The following ESR1 variants were observed in gnomAD, a reference collection of about 807,000 sequenced individuals.
ESR1 encodes estrogen receptor 1.
Under a neutral mutation model 52.7 loss-of-function variants are expected in ESR1, and 12 were observed. The observed-to-expected ratio is 0.23, with a 90% CI of 0.15 to 0.37. ESR1 has a LOEUF of 0.37. Ranked by LOEUF, ESR1 falls within the 10% of genes least tolerant of loss-of-function variation. The pLI is 1.00. For synonymous variants in ESR1, 305 were observed against 316.8 expected, an observed-to-expected ratio of 0.96 and a Z score of 0.39; for missense variants, 584 against 779.7, an observed-to-expected ratio of 0.75 and a Z score of 2.99.
rs149592990 is a variant in ESR1, at chr6:151,938,770, T to C, written c.761-5403T>C. ...TGATTGTTACTAAGTAGAAATTTTA[T>C]ACTGAGCCTTTCTAAATCCTTACAA... On this transcript the variant is annotated intron_variant, in intron 3 of 7. Coordinates refer to ENST00000206249, the MANE Select transcript of ESR1 (RefSeq NM_000125.4). Among the ~76,000 whole-genome samples the C allele has an allele frequency of 2.5e-3, 379 of 152,274 alleles. 2 individuals carry two copies. The highest frequency in any genetic ancestry group is 8.2e-3 in the African/African-American group (343 of 41,576).
At chr6:152,021,567 A>G (rs1028497268) in intron 5 of ESR1, among the ~76,000 whole-genome samples, 1 of 151,988 alleles carries the variant, frequency 6.6e-6, no homozygotes, top group Non-Finnish European at 1.5e-5. Flanking sequence ...TTACTTATTT[A>G]CCATTCTCCA....
At chr6:152,027,666 C>T (rs934837113) in intron 5 of ESR1, among the ~76,000 whole-genome samples, 22 of 152,160 alleles carry the variant, frequency 1.4e-4, no homozygotes, top group Non-Finnish European at 7.3e-5. Context: ...TTCTTTCCCT[C>T]ATTAGTGATT....
chr6:151,923,718 C>G (rs1026594761), intron 3 of ESR1, among the ~76,000 whole-genome samples: 22 of 152,178 alleles, frequency 1.4e-4, no homozygotes, highest in Admixed American at 1.3e-3. Context: ...GGTGAAGAAT[C>G]TCTTGATTGC....
At chr6:151,890,491 G>T (rs764547096) in intron 3 of ESR1, among the ~76,000 whole-genome samples, 3 of 152,162 alleles carry the variant, frequency 2.0e-5, no homozygotes, top group African/African-American at 4.8e-5. Context: ...GTATGTATCT[G>T]TTAAGTCCAT....
chr6:151,797,568 A>G (rs1481993091), intron 2 of ESR1, among the ~76,000 whole-genome samples: 2 of 152,218 alleles, frequency 1.3e-5, no homozygotes, highest in African/African-American at 2.4e-5. Flanking sequence ...TCATTAGCCT[A>G]TTTGATTTGA....
chr6:151,686,547 G>A (rs922067247), upstream of ESR1, among the ~76,000 whole-genome samples: 6 of 152,176 alleles, frequency 3.9e-5, no homozygotes, highest in African/African-American at 1.4e-4. Context: ...AATTAGCCGG[G>A]CGTGGCGGCG....
chr6:151,904,331 T>TA (rs1481000421), intron 3 of ESR1, among the ~76,000 whole-genome samples: 2 of 152,360 alleles, frequency 1.3e-5, no homozygotes, highest in East Asian at 3.9e-4. Context: ...TTTAGTGGTA[T>TA]ACACTATCAT....
intron 2 of ESR1, among the ~76,000 whole-genome samples, chr6:151,750,185 T>A (rs750736223): frequency 2.6e-5 from 4 of 152,188 alleles, no homozygotes; most frequent in Non-Finnish European, 5.9e-5. Context: ...ATGAAAAAAA[T>A]TCAGCTCTGG....
chr6:151,843,728 T>C (rs546082917), intron 2 of ESR1, among the ~76,000 whole-genome samples: 3 of 152,278 alleles, frequency 2.0e-5, no homozygotes, highest in East Asian at 3.9e-4. Context: ...TTTCATGTGA[T>C]TCCTTCTACA....
At chr6:151,819,942 G>A (rs1361283466) in intron 1 of ESR1, among the ~76,000 whole-genome samples, 1 of 152,172 alleles carries the variant, frequency 6.6e-6, no homozygotes, top group East Asian at 1.9e-4. Flanking sequence ...ATCATGTACT[G>A]GCTTTGGTGG....
intron 5 of ESR1, among the ~76,000 whole-genome samples, chr6:152,039,470 C>T (rs1165614952): frequency 2.6e-5 from 4 of 152,128 alleles, no homozygotes; most frequent in Admixed American, 2.6e-4. Context: ...CCCGAGATTG[C>T]AATCTTAATT....
chr6:151,989,941 G>T (rs1225703969), intron 4 of ESR1, among the ~76,000 whole-genome samples: 2 of 152,028 alleles, frequency 1.3e-5, no homozygotes, highest in African/African-American at 4.8e-5. Flanking sequence ...TCCAATTTGT[G>T]TTTCTTTCCG....
chr6:151,971,658 G>A (rs1323822329), intron 4 of ESR1, among the ~76,000 whole-genome samples: 1 of 152,122 alleles, frequency 6.6e-6, no homozygotes, highest in Non-Finnish European at 1.5e-5. Context: ...AGCAAAAGCA[G>A]TGTCAAGAGG....
chr6:151,816,536 A>G lies in ESR1; in HGVS notation c.452+8172A>G, dbSNP rs140289287. Reference sequence around the variant, plus strand: ...CTACTTCGGAAGGGAATTGAGTACTATACCCTGAAGAAGGTGAGTATGGGA... The same window carrying G: ...CTACTTCGGAAGGGAATTGAGTACTGTACCCTGAAGAAGGTGAGTATGGGA... On this transcript the variant is annotated intron_variant, in intron 1 of 7. Transcript: ENST00000206249. Among the ~76,000 whole-genome samples, 270 of 152,308 alleles carry G rather than the reference A, an allele frequency of 1.8e-3. 1 individual carries two copies. The highest frequency in any genetic ancestry group is 4.6e-3 in the African/African-American group (190 of 41,576).
At chr6:152,015,730 A>G (rs2128797236) in intron 5 of ESR1, among the ~76,000 whole-genome samples, 1 of 152,330 alleles carries the variant, frequency 6.6e-6, no homozygotes, top group Non-Finnish European at 1.5e-5. Flanking sequence ...AAAACATTGC[A>G]TAAATACATA....
chr6:151,817,532 G>C (rs2128181743), intron 1 of ESR1, among the ~76,000 whole-genome samples: 1 of 152,316 alleles, frequency 6.6e-6, no homozygotes, highest in South Asian at 2.1e-4. Flanking sequence ...GGTAAAAGGA[G>C]TGCTGGGGAG....
chr6:151,925,128 T>TTTTG (rs560240212), intron 3 of ESR1, among the ~76,000 whole-genome samples: 2 of 149,270 alleles, frequency 1.3e-5, no homozygotes, highest in African/African-American at 2.4e-5. Flanking sequence ...ATCTGGTTTT[T>TTTTG]TTTGTTTGTT....
At position 151,769,110 on chromosome 6, in the gene ESR1, C is replaced by A. The variant is rs74445278; in HGVS notation, c.-70-38733C>A. On this transcript the variant is annotated intron_variant, in intron 2 of 2. Transcript: ENST00000404742. ...ATTTTATTATCTTGATATTGACTTA[C>A]GTATTTAGGTAGATCTGAATAGCAG... Among the ~76,000 whole-genome samples the A allele has an allele frequency of 7.1e-3, 1,086 of 152,234 alleles. 18 individuals are homozygous for A. The highest frequency in any genetic ancestry group is 0.025 in the African/African-American group (1,029 of 41,528).
chr6:151,790,360 C>T (rs904895897), intron 2 of ESR1, among the ~76,000 whole-genome samples: 2 of 152,180 alleles, frequency 1.3e-5, no homozygotes, highest in Admixed American at 6.5e-5. Flanking sequence ...GGTGTCACCA[C>T]GTCCACCAAT....
Sources: allele counts gnomAD v4.1 joint callset (sites outside exome capture counted in the v4.1 genomes callset), GRCh38; gene constraint gnomAD v4.1.1; transcripts MANE v1.5; gene names NCBI Gene and HGNC (gene_info 2026-07-23, HGNC 2026-07-21).